CALCR: variants seen among roughly 807,000 people sequenced by gnomAD.
CALCR encodes calcitonin receptor.
Under a neutral mutation model 59.5 loss-of-function variants are expected in CALCR, and 47 were observed. The observed-to-expected ratio is 0.79, with a 90% confidence interval of 0.63 to 1.01. The LOEUF (loss-of-function observed/expected upper bound fraction) is 1.01. Among genes scored for constraint, CALCR ranks in the 50% least tolerant of loss-of-function variants. The pLI, the probability that CALCR is intolerant of heterozygous loss-of-function variation, is 0.00. For synonymous variants in CALCR, 213 were observed against 211.3 expected (o/e 1.01, Z -0.07); for missense variants, 566 against 597.1 (o/e 0.95, Z 0.54).
chr7:93,429,526 T>C, intron 13 of CALCR, among the ~76,000 whole-genome samples: 1 of 152,224 alleles, frequency 6.6e-6, no homozygotes, highest in African/African-American at 2.4e-5. Flanking sequence ...CCTCACAGTT[T>C]GAAGACTTAA....
chr7:93,491,805 A>C (rs1206025889), intron 2 of CALCR, among the ~76,000 whole-genome samples: 1 of 151,904 alleles, frequency 6.6e-6, no homozygotes, highest in Non-Finnish European at 1.5e-5. Flanking sequence ...TGTTGGTGGG[A>C]ATGTAAATTA....
At chr7:93,440,194 C>A (rs1405865678) in intron 9 of CALCR, among the ~76,000 whole-genome samples, 1 of 152,028 alleles carries the variant, frequency 6.6e-6, no homozygotes, top group African/African-American at 2.4e-5. Flanking sequence ...TTTCAAGAAT[C>A]TTTTAAAAGT....
chr7:93,506,871 G>C (rs1299484412), intron 2 of CALCR, among the ~76,000 whole-genome samples: 2 of 152,126 alleles, frequency 1.3e-5, no homozygotes, highest in African/African-American at 4.8e-5. Context: ...ACTGAATCAT[G>C]CAGGTGGGTT....
intron 2 of CALCR, among the ~76,000 whole-genome samples, chr7:93,572,266 C>A (rs1029159783): frequency 6.6e-6 from 1 of 151,752 alleles, no homozygotes; most frequent in Admixed American, 6.6e-5. Flanking sequence ...ATATAACAAA[C>A]AACATTTATT....
intron 2 of CALCR, among the ~76,000 whole-genome samples, chr7:93,496,623 G>A (rs907374367): frequency 1.3e-4 from 19 of 151,452 alleles, no homozygotes; most frequent in African/African-American, 4.4e-4. Context: ...TATTCCTTTG[G>A]AGCAGTATTT....
At chr7:93,561,746 G>A (rs1789753446) in intron 2 of CALCR, among the ~76,000 whole-genome samples, 1 of 152,048 alleles carries the variant, frequency 6.6e-6, no homozygotes, top group South Asian at 2.1e-4. Flanking sequence ...ACCCTGTCGT[G>A]GATCAGCATG....
At chr7:93,462,982 C>T (rs141023685) in intron 7 of CALCR, among the ~76,000 whole-genome samples, 2 of 151,528 alleles carry the variant, frequency 1.3e-5, no homozygotes, top group African/African-American at 4.9e-5. Context: ...TCTGACACAT[C>T]ATTGGGCTTA....
At chr7:93,520,414 G>A (rs550318789) in intron 2 of CALCR, among the ~76,000 whole-genome samples, 5 of 152,146 alleles carry the variant, frequency 3.3e-5, no homozygotes, top group South Asian at 2.1e-4. Flanking sequence ...CTTATACCAC[G>A]ATTTAATCAT....
At chr7:93,435,225 T>C (rs1306970840) in intron 12 of CALCR, among the ~76,000 whole-genome samples, 1 of 152,146 alleles carries the variant, frequency 6.6e-6, no homozygotes, top group African/African-American at 2.4e-5. Context: ...TGAACCGTCA[T>C]GAATGGATTC....
At chr7:93,486,270 G>A (rs1276680094) in intron 3 of CALCR, among the ~76,000 whole-genome samples, 3 of 151,586 alleles carry the variant, frequency 2.0e-5, no homozygotes, top group African/African-American at 7.3e-5. Context: ...TAACAATGTT[G>A]ACACAAATAA....
chr7:93,439,590 T>G (rs983904466), intron 9 of CALCR, among the ~76,000 whole-genome samples: 5 of 152,070 alleles, frequency 3.3e-5, no homozygotes, highest in African/African-American at 1.2e-4. Context: ...TTTAGGTAGT[T>G]TGCTTTTTCT....
intron 2 of CALCR, among the ~76,000 whole-genome samples, chr7:93,519,095 T>C (rs991576206): frequency 1.3e-5 from 2 of 151,972 alleles, no homozygotes; most frequent in African/African-American, 4.8e-5. Context: ...TTCTATTTTT[T>C]AAGAGTTCTT....
rs540742531 is a variant in CALCR, at chr7:93,429,143, T to C, written c.1192-2554A>G. On this transcript the variant is annotated intron_variant, in intron 13 of 13. Coordinates refer to ENST00000426151, the MANE Select transcript of CALCR (RefSeq NM_001742.4). ...TACAACCCATCCTTTTGTGTGGAGATGGCAATGTGCTTTGATTTGTAAACT... is the reference window on the plus strand; with the variant it reads ...TACAACCCATCCTTTTGTGTGGAGACGGCAATGTGCTTTGATTTGTAAACT... 2.0e-5 allele frequency among the ~76,000 whole-genome samples: 3 copies of C among 152,350 alleles called. No homozygotes were observed. In the East Asian group the frequency reaches 5.8e-4, roughly 29 times the overall value.
chr7:93,468,846 T>C (rs1382264767), intron 6 of CALCR, 40 bp from the exon 7 acceptor site: 3 of 556,720 alleles, frequency 5.4e-6, no homozygotes, highest in Non-Finnish European at 8.7e-6. Context: ...AATGAATGAA[T>C]GATTCATCAG....
chr7:93,456,744 TG>T, intron 8 of CALCR, among the ~76,000 whole-genome samples: 1 of 152,272 alleles, frequency 6.6e-6, no homozygotes, highest in Non-Finnish European at 1.5e-5. Flanking sequence ...AAAAATACAT[TG>T]GAAGAACCAG....
chr7:93,566,855 G>A (rs188446025), intron 2 of CALCR, among the ~76,000 whole-genome samples: 68 of 152,166 alleles, frequency 4.5e-4, no homozygotes, highest in African/African-American at 1.5e-3. Flanking sequence ...ATTAACTTGC[G>A]GAAAATCAGC....
At chr7:93,500,775 C>G (rs1801305542) in intron 2 of CALCR, among the ~76,000 whole-genome samples, 2 of 151,920 alleles carry the variant, frequency 1.3e-5, no homozygotes, top group Admixed American at 1.3e-4. Context: ...ACACATATCT[C>G]CCAATCCTCT....
intron 2 of CALCR, among the ~76,000 whole-genome samples, chr7:93,522,644 T>C (rs756859433): frequency 1.3e-5 from 2 of 152,162 alleles, no homozygotes; most frequent in Non-Finnish European, 2.9e-5. Context: ...TGAATCTAAG[T>C]GAGTCAAAAA....
chr7:93,481,877 C>A (rs907801681), intron 3 of CALCR, among the ~76,000 whole-genome samples: 5 of 151,866 alleles, frequency 3.3e-5, no homozygotes, highest in African/African-American at 1.2e-4. Flanking sequence ...ATATATGACA[C>A]TTTCCCCACT....
Sources: gnomAD v4.1 joint callset for allele counts (sites outside exome capture counted in the v4.1 genomes callset) on GRCh38, gnomAD v4.1.1 for gene constraint, MANE v1.5 for transcripts, NCBI Gene and HGNC (gene_info 2026-07-23, HGNC 2026-07-21) for gene names.